SLC22A12: variants seen among roughly 807,000 people sequenced by gnomAD.
The protein encoded by SLC22A12 is solute carrier family 22 member 12.
A neutral mutation model predicts 52.7 loss-of-function variants in SLC22A12; 56 were observed. The ratio of observed to expected loss-of-function variants is 1.06; its 90% CI spans 0.86 to 1.33. SLC22A12 has a LOEUF of 1.33. Ranked by LOEUF, SLC22A12 falls within the 40% of genes most tolerant of loss-of-function variation. The probability of loss-of-function intolerance (pLI) is 0.00; values close to 1 mark genes in which losing one functional copy is unlikely to be tolerated. For synonymous variants in SLC22A12, 337 were observed against 324.6 expected (o/e 1.04, Z -0.41); for missense variants, 683 against 741.5 (o/e 0.92, Z 0.92).
At chr11:64,596,230 G>GATGGATGGATGGA (rs2039215204) in intron 4 of SLC22A12, among the ~76,000 whole-genome samples, 42 of 34,976 alleles carry the variant, frequency 1.2e-3, no homozygotes, top group African/African-American at 3.2e-3. Context: ...TGGATGCATG[G>GATGGATGGATGGA]ATGGATGGAT....
At chr11:64,599,360 G>A (rs2039365557) in intron 6 of SLC22A12, among the ~76,000 whole-genome samples, 1 of 152,192 alleles carries the variant, frequency 6.6e-6, no homozygotes, top group East Asian at 1.9e-4. Context: ...TGGAGCCACG[G>A]AAGGGACATA....
rs770945619 is a variant in SLC22A12 at position 64,598,675 on chromosome 11, AC to A, written c.954+39del. On this transcript the variant is annotated intron_variant, in intron 5 of 9. Coordinates refer to ENST00000377574, the MANE Select transcript of SLC22A12 (RefSeq NM_144585.4). The stretch of plus-strand genomic sequence containing the variant: ...GTCCTCCTCAAACCCGGACCCTCAG[AC>A]CCTCTCCCTGCCCCTGCATAGGGCA... 35 of 1,602,680 alleles carry A rather than the reference AC, an allele frequency of 2.2e-5. No individual in the cohort carries two copies. The East Asian group carries it at 7.9e-4, about 36-fold the overall frequency.
Position 64,591,949 on chromosome 11 carries a change from C to T in SLC22A12, c.393C>T (p.Ile131=), listed in dbSNP as rs756891089. 1.3e-5 allele frequency: 21 copies of T among 1,610,950 alleles called. No individual in the cohort carries two copies. The highest frequency in any genetic ancestry group is 1.0e-4 in the Admixed American group (6 of 59,994). ...ACCGCAGCATCTTCACCTCCACAATCGTGGCCAAGGTAGGGCCTCCCCCAG... is the reference window on the plus strand; with the variant it reads ...ACCGCAGCATCTTCACCTCCACAATTGTGGCCAAGGTAGGGCCTCCCCCAG... ...VYDRSIFTST[I]VAKWNLVCDS... Residue 131 remains isoleucine, a synonymous_variant, in exon 1 of 10, where the codon ATC becomes ATT. Transcript: ENST00000377574.
At chr11:64,595,392 TGGAC>T (rs1565136456) in intron 4 of SLC22A12, among the ~76,000 whole-genome samples, 2 of 58,734 alleles carry the variant, frequency 3.4e-5, no homozygotes, top group African/African-American at 2.0e-4. Context: ...GATGGATGGA[TGGAC>T]GGACGGATGG....
chr11:64,597,722 G>A (rs537907251), intron 4 of SLC22A12, among the ~76,000 whole-genome samples: 9 of 152,374 alleles, frequency 5.9e-5, no homozygotes, highest in African/African-American at 1.9e-4. Context: ...AGGAGCCAAG[G>A]CCTAGAGGCA....
chr11:64,594,957 GATGGTTGGA>G (rs2039060419), intron 4 of SLC22A12, among the ~76,000 whole-genome samples: 1 of 143,236 alleles, frequency 7.0e-6, no homozygotes, highest in Non-Finnish European at 1.5e-5. Context: ...TGGATGGATG[GATGGTTGGA>G]ATAGATGGAT....
intron 7 of SLC22A12, 44 bp downstream of exon 7, chr11:64,599,934 G>C (rs748832842): frequency 1.3e-6 from 2 of 1,584,782 alleles, no homozygotes; most frequent in African/African-American, 2.7e-5. Flanking sequence ...CTACCTTGGG[G>C]GGGTCTCGGG....
At position 64,601,900 on chromosome 11, in the gene SLC22A12, C is replaced by G. The variant is rs944317801; in HGVS notation, c.*349C>G. The G allele has an allele frequency of 2.7e-6, 1 of 370,154 alleles. No homozygotes were observed. Among genetic ancestry groups the G allele is most frequent in the Non-Finnish European group, 5.2e-6 (1 of 190,582 alleles). The allele number at this position is 370,154 out of a possible 1,614,324, so 22.9% of individuals were successfully genotyped here. On this transcript the variant is annotated 3_prime_UTR_variant, in exon 10 of 10. Coordinates refer to ENST00000377574, the MANE Select transcript of SLC22A12 (RefSeq NM_144585.4). ...GACTCCGCACTGCCACTTGTCCCCC[C>G]ACACCCGTCCACCTGCCCAGAGCTC...
Position 64,598,800 on chromosome 11 carries a change from C to T in SLC22A12, c.955-8C>T, listed in dbSNP as rs2039340081. ...CAGTGCCAACAGCACCCACCCCCGC[C>T]TCCACAGGTCTTGCTTTCAGCCATG... On this transcript the variant is annotated splice_polypyrimidine_tract_variant and splice_region_variant and intron_variant, in intron 5 of 9. Coordinates refer to ENST00000377574, the MANE Select transcript of SLC22A12 (RefSeq NM_144585.4). 6.2e-7 allele frequency: 1 copy of T among 1,612,456 alleles called. No homozygotes were observed. The highest frequency in any genetic ancestry group is 8.5e-7 in the Non-Finnish European group (1 of 1,179,970).
chr11:64,592,741 C>G (rs1379829735), intron 1 of SLC22A12, 38 bp from the exon 2 acceptor site: 1 of 1,572,482 alleles, frequency 6.4e-7, no homozygotes, highest in South Asian at 1.1e-5. Flanking sequence ...CTGGGGCTCT[C>G]CCAACCTCCT....
intron 4 of SLC22A12, 116 bp downstream of exon 4, chr11:64,593,919 T>C: frequency 1.4e-6 from 2 of 1,417,778 alleles, no homozygotes; most frequent in Non-Finnish European, 1.9e-6. Context: ...CAGGGGTGCA[T>C]GGGCTGGAGG....
chr11:64,596,247 A>AATGGATGGATGGATGGAATGGATGGATGG (rs1554987853), intron 4 of SLC22A12, among the ~76,000 whole-genome samples: 79 of 32,806 alleles, frequency 2.4e-3, no homozygotes, highest in Middle Eastern at 0.015. Flanking sequence ...GGATGGATGG[A>AATGGATGGATGGATGGAATGGATGGATGG]ATGGATGGAT....
Position 64,600,779 on chromosome 11 carries a change from C to T in SLC22A12, c.1439C>T (p.Ala480Val), listed in dbSNP as rs1382814480. The change falls in exon 9 of 10, where the codon GCC (alanine) becomes GTC (valine). Residue 480 changes from alanine (A) to valine (V), a missense_variant. Ala to Val is a moderately conservative substitution (Grantham distance 64). Coordinates refer to ENST00000377574, the MANE Select transcript of SLC22A12 (RefSeq NM_144585.4). ...GGCCAGATGGCAGCCCGTGGAGGAG[C>T]CATCCTGGGGCCTCTGGTCCGGCTG... ...GLGQMAARGG[A>V]ILGPLVRLLG... 1.2e-6 allele frequency: 2 copies of T among 1,605,374 alleles called. No individual in the cohort carries two copies. Among genetic ancestry groups the T allele is most frequent in the African/African-American group, 1.3e-5 (1 of 74,920 alleles).
At position 64,592,839 on chromosome 11, in the gene SLC22A12, G is replaced by A. The variant is rs1449109802; in HGVS notation, c.463G>A (p.Gly155Arg). Residue 155 changes from glycine to arginine, a missense_variant, in exon 2 of 10, where the codon GGG becomes AGG. Transcript: ENST00000377574. ...CATGGCCCAGTCCATCTACCTGGCTGGGATTCTGGTGGGAGCTGCTGCGTG... is the reference window on the plus strand; with the variant it reads ...CATGGCCCAGTCCATCTACCTGGCTAGGATTCTGGTGGGAGCTGCTGCGTG... The part of the protein sequence containing the change: ...KPMAQSIYLA[G>R]ILVGAAACGP... 4.3e-6 allele frequency: 7 copies of A among 1,613,806 alleles called. No individual in the cohort carries two copies. The Admixed American group carries it at 5.0e-5, about 12-fold the overall frequency.
intron 4 of SLC22A12, among the ~76,000 whole-genome samples, chr11:64,594,682 C>CGGATGGAT (rs200147816): frequency 0.11 from 15,264 of 134,912 alleles, 1,062 homozygotes; most frequent in East Asian, 0.26. Flanking sequence ...GATGGATGGA[C>CGGATGGAT]GGATGGATGG....
chr11:64,601,521 G>C lies in SLC22A12; in HGVS notation c.1632G>C (p.Gly544=). Residue 544 remains glycine (G), a synonymous_variant, in exon 10 of 10, where the codon GGG becomes GGC. Transcript: ENST00000377574. ...AVKKATHGTL[G]NSVLKSTQF is the part of the protein sequence containing the mutation. ...AGAAGGCAACACATGGCACGCTGGGGAACTCTGTCCTAAAATCCACACAGT... is the reference window on the plus strand; with the variant it reads ...AGAAGGCAACACATGGCACGCTGGGCAACTCTGTCCTAAAATCCACACAGT... The C allele has an allele frequency of 6.2e-7, 1 of 1,613,502 alleles. No individual in the cohort carries two copies. Among genetic ancestry groups the C allele is most frequent in the Non-Finnish European group, 8.5e-7 (1 of 1,179,978 alleles).
chr11:64,591,499 T>G lies in SLC22A12; in HGVS notation c.-58T>G. 1 of 1,601,126 alleles carries G rather than the reference T, an allele frequency of 6.2e-7. No homozygotes were observed. The highest frequency in any genetic ancestry group is 8.5e-7 in the Non-Finnish European group (1 of 1,178,848). ...AACAGGCCCGTTGCCCTGGCCTCTTTGCCCTGGGCCAGCCTTTGTGAAGTG... is the reference window on the plus strand; with the variant it reads ...AACAGGCCCGTTGCCCTGGCCTCTTGGCCCTGGGCCAGCCTTTGTGAAGTG... On this transcript the variant is annotated 5_prime_UTR_variant, in exon 1 of 10. Coordinates refer to ENST00000377574, the MANE Select transcript of SLC22A12 (RefSeq NM_144585.4).
chr11:64,593,357 G>A (rs1474717247), intron 2 of SLC22A12, 48 bp from the exon 3 acceptor site: 3 of 1,613,230 alleles, frequency 1.9e-6, no homozygotes, highest in Admixed American at 1.7e-5. Context: ...CCCGTGGCCT[G>A]TGCCGTGGCA....
At chr11:64,597,571 A>G (rs1245535179) in intron 4 of SLC22A12, among the ~76,000 whole-genome samples, 1 of 152,030 alleles carries the variant, frequency 6.6e-6, no homozygotes, top group Non-Finnish European at 1.5e-5. Flanking sequence ...CATCAGCTCT[A>G]TCTCTAATAT....
Sources: allele counts gnomAD v4.1 joint callset (sites outside exome capture counted in the v4.1 genomes callset), GRCh38; gene constraint gnomAD v4.1.1; transcripts MANE v1.5; gene names NCBI Gene and HGNC (gene_info 2026-07-23, HGNC 2026-07-21).